The following KLF12 variants were observed in gnomAD, a reference collection of about 807,000 sequenced individuals.
KLF12 encodes KLF transcription factor 12.
A neutral mutation model predicts 37.8 loss-of-function variants in KLF12; 9 were observed. That is an observed-to-expected ratio of 0.24 (90% CI 0.14 to 0.42). KLF12 has a LOEUF of 0.42. KLF12 is among the 10% of genes least tolerant of loss of function. KLF12 has a pLI of 1.00. For missense variants in KLF12, 411 were observed against 516.0 expected (o/e 0.80, Z 1.97); for synonymous variants, 208 against 202.1 (o/e 1.03, Z -0.25).
intron 5 of KLF12, among the ~76,000 whole-genome samples, chr13:73,784,085 G>C (rs940329961): frequency 6.6e-6 from 1 of 152,002 alleles, no homozygotes; most frequent in Non-Finnish European, 1.5e-5. Context: ...CTCTTTCCCT[G>C]GCCCTCAGCT....
At position 73,815,699 on chromosome 13, in the gene KLF12, G is replaced by A. The variant is rs549725690; in HGVS notation, c.671-2412C>T. ...AAACATCATGCACTACGATGCCTTT[G>A]CCAAGATACCAAATTTGCAAACAGC... is the stretch of plus-strand genomic sequence containing the variant. On this transcript the variant is annotated intron_variant, in intron 4 of 7. Transcript: ENST00000377669. 2.6e-5 allele frequency among the ~76,000 whole-genome samples: 4 copies of A among 152,206 alleles called. No individual in the cohort carries two copies. The East Asian group carries it at 7.7e-4, about 29-fold the overall frequency.
At chr13:73,835,080 T>C (rs79353106) in intron 4 of KLF12, among the ~76,000 whole-genome samples, 1 of 151,674 alleles carries the variant, frequency 6.6e-6, no homozygotes, top group Admixed American at 6.6e-5. Context: ...TTTTTTTTTT[T>C]GGCCCAAATC....
At chr13:73,999,513 C>T (rs1478626018) in intron 1 of KLF12, among the ~76,000 whole-genome samples, 2 of 151,888 alleles carry the variant, frequency 1.3e-5, no homozygotes, top group Admixed American at 1.3e-4. Flanking sequence ...GTGGGCAGAT[C>T]ACGAGGTCAG....
chr13:74,084,823 CAA>C (rs11299513), intron 1 of KLF12, among the ~76,000 whole-genome samples: 5 of 149,202 alleles, frequency 3.4e-5, no homozygotes, highest in East Asian at 2.0e-4. Flanking sequence ...ACAAAGGAGC[CAA>C]AAAAAAAAGG....
chr13:73,782,062 A>G lies in KLF12; in HGVS notation c.807-17062T>C, dbSNP rs74095502. Among the ~76,000 whole-genome samples, 179 of 152,332 alleles carry G rather than the reference A, an allele frequency of 1.2e-3. 1 individual carries two copies. Among genetic ancestry groups the G allele is most frequent in the African/African-American group, 3.8e-3 (157 of 41,570 alleles). On this transcript the variant is annotated intron_variant, in intron 5 of 7. Coordinates refer to ENST00000377669, the MANE Select transcript of KLF12 (RefSeq NM_007249.5). ...ACAGTAGTGTGGTATAAATGTATAA[A>G]TCAGCATAGAAACTTCATGGAAGGG... is the stretch of plus-strand genomic sequence containing the variant.
intron 1 of KLF12, among the ~76,000 whole-genome samples, chr13:74,019,071 G>C (rs1231257109): frequency 6.6e-6 from 1 of 152,152 alleles, no homozygotes; most frequent in African/African-American, 2.4e-5. Flanking sequence ...TAACATATTA[G>C]AGGTCTACAT....
chr13:74,099,129 C>T (rs181700365), intron 1 of KLF12, among the ~76,000 whole-genome samples: 1 of 152,232 alleles, frequency 6.6e-6, no homozygotes, highest in East Asian at 1.9e-4. Context: ...AGGAGGATCG[C>T]TTGAGGCCAG....
chr13:73,958,967 C>A (rs1340145418), intron 2 of KLF12, among the ~76,000 whole-genome samples: 1 of 151,956 alleles, frequency 6.6e-6, no homozygotes, highest in East Asian at 1.9e-4. Context: ...TTGCTGAAAC[C>A]TAACTTTGTA....
the KLF12 span, among the ~76,000 whole-genome samples, chr13:74,271,487 A>C: frequency 2.6e-5 from 4 of 152,186 alleles, no homozygotes; most frequent in African/African-American, 4.8e-5. Context: ...AGCAGAAGAC[A>C]TTTGTAAGGC....
At chr13:73,937,506 G>A (rs4885134) in intron 3 of KLF12, among the ~76,000 whole-genome samples, 87,485 of 152,018 alleles carry the variant, frequency 0.58, 25,356 homozygotes, top group Admixed American at 0.65. Context: ...CTAGGAAAGG[G>A]CACTTTACAT....
chr13:74,251,192 C>T, the KLF12 span, among the ~76,000 whole-genome samples: 1 of 152,024 alleles, frequency 6.6e-6, no homozygotes, highest in Non-Finnish European at 1.5e-5. Context: ...AATTCTATCA[C>T]CCAGGCTGGA....
chr13:73,864,973 A>G (rs1886100487), intron 3 of KLF12, among the ~76,000 whole-genome samples: 2 of 152,132 alleles, frequency 1.3e-5, no homozygotes, highest in African/African-American at 2.4e-5. Context: ...AAGTACAGGT[A>G]TAAGGAAGTC....
chr13:73,710,601 T>C (rs1344247322), intron 7 of KLF12, among the ~76,000 whole-genome samples: 3 of 152,214 alleles, frequency 2.0e-5, no homozygotes, highest in Non-Finnish European at 4.4e-5. Context: ...TTGATGTTTC[T>C]ACTGTAATTG....
chr13:73,805,566 T>C (rs1047654370), intron 5 of KLF12, among the ~76,000 whole-genome samples: 1 of 143,782 alleles, frequency 7.0e-6, no homozygotes. Flanking sequence ...TCTGAGATCA[T>C]GCCACTGCAC....
intron 1 of KLF12, among the ~76,000 whole-genome samples, chr13:74,004,295 A>G (rs1892356534): frequency 6.6e-6 from 1 of 152,176 alleles, no homozygotes; most frequent in Admixed American, 6.5e-5. Context: ...AATATTTAAT[A>G]TGAATTTACT....
chr13:73,904,228 T>A (rs1888165946), intron 3 of KLF12, among the ~76,000 whole-genome samples: 1 of 152,120 alleles, frequency 6.6e-6, no homozygotes, highest in Non-Finnish European at 1.5e-5. Context: ...CTATTAAGGA[T>A]CCCCTAATAA....
the KLF12 span, among the ~76,000 whole-genome samples, chr13:74,181,250 G>A: frequency 2.0e-5 from 3 of 151,532 alleles, no homozygotes; most frequent in African/African-American, 4.8e-5. Context: ...CACCCGCTTC[G>A]GCTTCCCAAA....
At chr13:74,163,142 A>G in the KLF12 span, among the ~76,000 whole-genome samples, 1 of 152,222 alleles carries the variant, frequency 6.6e-6, no homozygotes, top group African/African-American at 2.4e-5. Flanking sequence ...GGGAATGCAA[A>G]TTAGTACAAC....
rs1318552656 is a variant in KLF12, at chr13:73,691,389, C to A, written c.*4101G>T. ...GAGATTTGGTCAATGATGTTTTATACTAGAATACATTTACCTGCTAAGTTT... is the reference window on the plus strand; with the variant it reads ...GAGATTTGGTCAATGATGTTTTATAATAGAATACATTTACCTGCTAAGTTT... On this transcript the variant is annotated 3_prime_UTR_variant, in exon 8 of 8. Coordinates refer to ENST00000377669, the MANE Select transcript of KLF12 (RefSeq NM_007249.5). 6.6e-6 allele frequency: 1 copy of A among 152,634 alleles called. No individual in the cohort carries two copies. Among genetic ancestry groups the A allele is most frequent in the East Asian group, 1.9e-4 (1 of 5,202 alleles). The allele number at this position is 152,634 out of a possible 1,614,324, so 9.5% of individuals were successfully genotyped here. A position where few individuals can be genotyped will look rare whatever the true frequency, so the allele number is the denominator to read the frequency against.
Sources: gnomAD v4.1 joint callset for allele counts (sites outside exome capture counted in the v4.1 genomes callset) on GRCh38, gnomAD v4.1.1 for gene constraint, MANE v1.5 for transcripts, NCBI Gene and HGNC (gene_info 2026-07-23, HGNC 2026-07-21) for gene names.